Variants in COL6A5 observed in about 807,000 individuals in gnomAD.
COL6A5 encodes collagen alpha-5(VI) chain.
Under a neutral mutation model 65.6 loss-of-function variants are expected in COL6A5, and 48 were observed. The observed-to-expected ratio is 0.73, with a 90% CI of 0.58 to 0.93. COL6A5 has a LOEUF of 0.93. COL6A5 is among the 40% of genes least tolerant of loss of function. COL6A5 has a pLI of 0.00. For missense variants in COL6A5, 914 were observed against 928.3 expected (o/e 0.98, Z 0.20); for synonymous variants, 291 against 322.8 (o/e 0.90, Z 1.05).
chr3:130,393,719 CA>C (rs1308284905), intron 7 of COL6A5, among the ~76,000 whole-genome samples: 1 of 152,186 alleles, frequency 6.6e-6, no homozygotes, highest in Non-Finnish European at 1.5e-5. Context: ...AACAAAGCTC[CA>C]AACCTAGCAG....
chr3:130,479,251 G>A (rs538665283), intron 7 of COL6A5, among the ~76,000 whole-genome samples: 181 of 150,006 alleles, frequency 1.2e-3, no homozygotes, highest in Non-Finnish European at 2.0e-3. Flanking sequence ...GAACCAGAAA[G>A]CAGGTCCCTC....
intron 1 of COL6A5, among the ~76,000 whole-genome samples, chr3:130,367,831 A>G (rs540591324): frequency 1.2e-4 from 19 of 152,370 alleles, no homozygotes; most frequent in African/African-American, 3.4e-4. Flanking sequence ...GGATTTGGTC[A>G]GGCAAAGATT....
intron 3 of COL6A5, among the ~76,000 whole-genome samples, chr3:130,442,643 A>G (rs143553331): frequency 3.3e-4 from 51 of 152,290 alleles, no homozygotes; most frequent in African/African-American, 1.2e-3. Context: ...CAATTCTACA[A>G]GTTTTGGTGC....
Position 130,426,250 on chromosome 3 carries a change from G to T in COL6A5, c.5199+1G>T, listed in dbSNP as rs1348130362. ...CATGGCAGGGCAGCCTGTATATTCT[G>T]TATGTATCTCCTTATTCATGAAAGA... On this transcript the variant is annotated splice_donor_variant and NMD_transcript_variant, in intron 30 of 41. Transcript: ENST00000312481. 9 of 1,551,306 alleles carry T rather than the reference G, an allele frequency of 5.8e-6. No individual in the cohort carries two copies. Among genetic ancestry groups the T allele is most frequent in the Non-Finnish European group, 7.8e-6 (9 of 1,146,706 alleles).
chr3:130,460,842 G>C (rs963397140), intron 5 of COL6A5, among the ~76,000 whole-genome samples: 2 of 151,544 alleles, frequency 1.3e-5, no homozygotes, highest in African/African-American at 2.4e-5. Flanking sequence ...ATAGTGAGGA[G>C]GTGATAGTAA....
At chr3:130,471,802 T>C (rs1346003547) in intron 7 of COL6A5, 4 of 1,535,114 alleles carry the variant, frequency 2.6e-6, no homozygotes, top group East Asian at 2.4e-5. Flanking sequence ...CTGAGACAGC[T>C]ACTGATTTGA....
chr3:130,354,981 G>C (rs1470854240), intron 1 of COL6A5, among the ~76,000 whole-genome samples: 1 of 151,980 alleles, frequency 6.6e-6, no homozygotes, highest in Non-Finnish European at 1.5e-5. Context: ...TTTTATATTG[G>C]TTATACATAG....
chr3:130,409,295 C>A, intron 17 of COL6A5, 31 bp from the exon 18 acceptor site: 1 of 1,522,550 alleles, frequency 6.6e-7, no homozygotes, highest in Non-Finnish European at 8.8e-7. Flanking sequence ...CTCCTACAAG[C>A]TAACTCAGAA....
chr3:130,382,196 A>G (rs1936018756), intron 4 of COL6A5, among the ~76,000 whole-genome samples: 1 of 152,086 alleles, frequency 6.6e-6, no homozygotes, highest in African/African-American at 2.4e-5. Flanking sequence ...ATCAAGCACC[A>G]GAGTTGTCCC....
exon 31 of COL6A5, chr3:130,426,376 C>G: frequency 6.4e-7 from 1 of 1,551,320 alleles, no homozygotes; most frequent in Non-Finnish European, 8.7e-7. Context: ...GCAATGTGAT[C>G]TGATCCGGTT....
Position 130,410,005 on chromosome 3 carries a change from C to G in COL6A5, c.4543-4C>G, listed in dbSNP as rs759052886. 1.3e-6 allele frequency: 2 copies of G among 1,541,428 alleles called. No individual in the cohort carries two copies. The highest frequency in any genetic ancestry group is 1.4e-5 in the African/African-American group (1 of 72,692). On this transcript the variant is annotated splice_region_variant and splice_polypyrimidine_tract_variant and intron_variant and NMD_transcript_variant, in intron 18 of 41. Transcript: ENST00000312481. ...CTAAACTACTTTTAAAAATCTTTCT[C>G]TAGGGTAATCCAGGACAAAACAATA... is the stretch of plus-strand genomic sequence containing the variant.
At chr3:130,463,324 A>G (rs1709741497) in intron 5 of COL6A5, among the ~76,000 whole-genome samples, 2 of 97,170 alleles carry the variant, frequency 2.1e-5, no homozygotes, top group East Asian at 4.1e-4. Flanking sequence ...CAAATTTCAA[A>G]TTTCAAAGCA....
intron 4 of COL6A5, among the ~76,000 whole-genome samples, chr3:130,453,487 C>T (rs1177802220): frequency 1.3e-5 from 2 of 152,110 alleles, no homozygotes; most frequent in African/African-American, 4.8e-5. Flanking sequence ...TACCCAAGAT[C>T]TTATCTTGCT....
At chr3:130,385,393 C>A in intron 5 of COL6A5, 29 bp downstream of exon 5, 1 of 1,533,476 alleles carries the variant, frequency 6.5e-7, no homozygotes. Context: ...GCTTTATTCT[C>A]CACATTTCAT....
At chr3:130,353,252 C>T (rs895809950) in intron 1 of COL6A5, among the ~76,000 whole-genome samples, 28 of 152,286 alleles carry the variant, frequency 1.8e-4, no homozygotes, top group African/African-American at 6.0e-4. Context: ...CCTGTTGGAC[C>T]TGTCTTTCCT....
chr3:130,451,659 C>T (rs1460083961), intron 4 of COL6A5, among the ~76,000 whole-genome samples: 4 of 151,958 alleles, frequency 2.6e-5, no homozygotes, highest in Admixed American at 6.6e-5. Flanking sequence ...TTACATGTGC[C>T]GGCTTTTCAT....
exon 5 of COL6A5, chr3:130,385,184 G>A (rs1214007437): frequency 1.3e-6 from 2 of 1,550,924 alleles, no homozygotes; most frequent in African/African-American, 1.4e-5. Context: ...CAGAGTCGTG[G>A]AACCTGCTAA....
intron 13 of COL6A5, among the ~76,000 whole-genome samples, chr3:130,405,114 C>G (rs1936942919): frequency 6.6e-6 from 1 of 152,216 alleles, no homozygotes; most frequent in Non-Finnish European, 1.5e-5. Flanking sequence ...CCTGTGAGGA[C>G]TGGCTTTTCT....
At chr3:130,432,374 G>A (rs1488405858) in intron 1 of COL6A5, among the ~76,000 whole-genome samples, 1 of 152,058 alleles carries the variant, frequency 6.6e-6, no homozygotes, top group Non-Finnish European at 1.5e-5. Flanking sequence ...CCAACATGGT[G>A]AAACTTCATC....
Sources: gnomAD v4.1 joint callset for allele counts (sites outside exome capture counted in the v4.1 genomes callset) on GRCh38, gnomAD v4.1.1 for gene constraint, MANE v1.5 for transcripts, NCBI Gene and HGNC (gene_info 2026-07-23, HGNC 2026-07-21) for gene names.